The following SEPTIN11 variants were observed in gnomAD, a reference collection of about 807,000 sequenced individuals.
SEPTIN11 encodes the protein septin 11.
Under a neutral mutation model 51.4 loss-of-function variants are expected in SEPTIN11, and 25 were observed. The ratio of observed to expected loss-of-function variants is 0.49; its 90% CI spans 0.35 to 0.68. SEPTIN11 has a LOEUF of 0.68. Among genes scored for constraint, SEPTIN11 ranks in the 30% least tolerant of loss-of-function variants. The pLI is 0.00. For missense variants in SEPTIN11, 381 were observed against 520.8 expected, an observed-to-expected ratio of 0.73 and a Z score of 2.61; for synonymous variants, 174 against 184.1, an observed-to-expected ratio of 0.95 and a Z score of 0.44.
Position 77,011,898 on chromosome 4 carries a change from A to T in SEPTIN11, c.502A>T (p.Thr168Ser). 1 of 1,614,006 alleles carries T rather than the reference A, an allele frequency of 6.2e-7. No individual in the cohort carries two copies. The highest frequency in any genetic ancestry group is 8.5e-7 in the Non-Finnish European group (1 of 1,179,916). ...GHSLKSLDLV[T>S]MKKLDSKVNI... ...TTCACTAAAGTCCCTGGATCTGGTC[A>T]CCATGAAAAAGCTGGACAGTAAGGT... Residue 168 changes from threonine (T) to serine (S), a missense_variant, in exon 4 of 10, where the codon ACC (threonine) becomes TCC (serine). Coordinates refer to ENST00000264893, the MANE Select transcript of SEPTIN11 (RefSeq NM_018243.4).
chr4:76,983,234 C>T (rs1413059933), intron 1 of SEPTIN11, among the ~76,000 whole-genome samples: 1 of 152,112 alleles, frequency 6.6e-6, no homozygotes, highest in Non-Finnish European at 1.5e-5. Context: ...CCAGACTGTT[C>T]CTGAAGAAGG....
At chr4:77,025,544 CAAA>C (rs200938790) in intron 7 of SEPTIN11, among the ~76,000 whole-genome samples, 1 of 131,364 alleles carries the variant, frequency 7.6e-6, no homozygotes, top group African/African-American at 2.8e-5. Flanking sequence ...GAACCTGTCT[CAAA>C]AAAAAAAAAA....
Position 77,014,968 on chromosome 4 carries a change from A to C in SEPTIN11, c.638A>C (p.Gln213Pro), listed in dbSNP as rs1471675211. Residue 213 changes from glutamine to proline, a missense_variant, in exon 5 of 10, where the codon CAG (glutamine) becomes CCG (proline). Physicochemically the swap from Gln to Pro is moderately conservative, Grantham distance 76 (BLOSUM62 -1). This residue lies in a region of SEPTIN11 where 197 missense variants were observed against 313.1 expected (regional missense o/e 0.63). Transcript: ENST00000264893. ...GTCAGCAATGGGGTCCAGATATATC[A>C]GTTTCCCACTGATGAAGAAACGGTG... The part of the protein sequence containing the change: ...ELVSNGVQIY[Q>P]FPTDEETVAE... The C allele has an allele frequency of 1.9e-6, 3 of 1,614,016 alleles. No individual in the cohort carries two copies. Among genetic ancestry groups the C allele is most frequent in the Non-Finnish European group, 2.5e-6 (3 of 1,180,010 alleles).
intron 1 of SEPTIN11, 58 bp downstream of exon 1, chr4:76,949,988 G>T: frequency 7.2e-7 from 1 of 1,390,718 alleles, no homozygotes; most frequent in Non-Finnish European, 9.3e-7. Context: ...CTGCTCTGGG[G>T]CGGGTGCGGT....
chr4:77,011,913 G>T lies in SEPTIN11; in HGVS notation c.517G>T (p.Asp173Tyr). The change falls in exon 4 of 10, where the codon GAC (aspartate) becomes TAC (tyrosine). Residue 173 changes from aspartate (D) to tyrosine (Y), a missense_variant. Physicochemically the swap from Asp to Tyr is radical, Grantham distance 160. This residue lies in a region of SEPTIN11 where 197 missense variants were observed against 313.1 expected (regional missense o/e 0.63). Transcript: ENST00000264893. ...SLDLVTMKKL[D>Y]SKVNIIPIIA... ...GGATCTGGTCACCATGAAAAAGCTG[G>T]ACAGTAAGGTACTTGCTGCCATTCT... 6.2e-7 allele frequency: 1 copy of T among 1,613,602 alleles called. No homozygotes were observed. The highest frequency in any genetic ancestry group is 8.5e-7 in the Non-Finnish European group (1 of 1,179,702).
In SEPTIN11 at chr4:77,034,743, T is replaced by C; in HGVS notation, c.*231T>C. The C allele has an allele frequency of 2.4e-6, 3 of 1,230,900 alleles. No homozygotes were observed. Among genetic ancestry groups the C allele is most frequent in the Non-Finnish European group, 2.0e-6 (2 of 982,120 alleles). 76.2% of individuals were successfully genotyped at this position (1,230,900 alleles called of 1,614,324 possible). A position where few individuals can be genotyped will look rare whatever the true frequency, so the allele number is the denominator to read the frequency against. Reference sequence around the variant, plus strand: ...GCAGCTGGACTCTGTTTCCGGAAAGTAAATGATTTGCTTTTTATGCCTGTT... The same window carrying C: ...GCAGCTGGACTCTGTTTCCGGAAAGCAAATGATTTGCTTTTTATGCCTGTT... On this transcript the variant is annotated 3_prime_UTR_variant, in exon 10 of 10. Coordinates refer to ENST00000264893, the MANE Select transcript of SEPTIN11 (RefSeq NM_018243.4).
chr4:77,023,493 C>G (rs1419091485), intron 7 of SEPTIN11, among the ~76,000 whole-genome samples: 1 of 151,658 alleles, frequency 6.6e-6, no homozygotes, highest in Non-Finnish European at 1.5e-5. Flanking sequence ...TACCTTCCAA[C>G]ATCTCGATAA....
intron 7 of SEPTIN11, among the ~76,000 whole-genome samples, chr4:77,028,190 G>A (rs1578205600): frequency 6.6e-6 from 1 of 152,246 alleles, no homozygotes; most frequent in East Asian, 1.9e-4. Flanking sequence ...AGACCTTGGA[G>A]GCTGAGGGAG....
intron 8 of SEPTIN11, 53 bp from the exon 9 acceptor site, chr4:77,030,730 C>T: frequency 2.6e-6 from 4 of 1,509,518 alleles, no homozygotes; most frequent in South Asian, 2.6e-5. Flanking sequence ...AAGAACTTTA[C>T]ATCAAAAGGA....
intron 1 of SEPTIN11, among the ~76,000 whole-genome samples, chr4:76,953,543 G>A (rs1055682601): frequency 1.7e-4 from 26 of 152,076 alleles, no homozygotes; most frequent in African/African-American, 6.3e-4. Context: ...TGAAAATGTG[G>A]CCCCAGATGG....
intron 1 of SEPTIN11, among the ~76,000 whole-genome samples, chr4:76,989,921 C>G (rs1323641159): frequency 1.3e-5 from 2 of 152,132 alleles, no homozygotes; most frequent in Admixed American, 1.3e-4. Flanking sequence ...TTGCTGACTT[C>G]AAGAATGAAG....
downstream of SEPTIN11, chr4:77,039,694 A>AT (rs1178349829): frequency 6.1e-6 from 6 of 984,646 alleles, no homozygotes; most frequent in African/African-American, 7.0e-5. Context: ...GATGGCTGCA[A>AT]TTTTTTTTCT....
chr4:76,985,703 C>CA (rs1722990557), intron 1 of SEPTIN11, among the ~76,000 whole-genome samples: 1 of 152,142 alleles, frequency 6.6e-6, no homozygotes, highest in Non-Finnish European at 1.5e-5. Context: ...GAAGGTGGGC[C>CA]AGGCACCAGG....
At chr4:77,013,459 C>G (rs1725013849) in intron 4 of SEPTIN11, among the ~76,000 whole-genome samples, 1 of 152,210 alleles carries the variant, frequency 6.6e-6, no homozygotes, top group Admixed American at 6.5e-5. Flanking sequence ...CTCCTCTGAT[C>G]AATTTGGCCA....
At chr4:76,969,061 A>C (rs2109898324) in intron 1 of SEPTIN11, among the ~76,000 whole-genome samples, 1 of 152,322 alleles carries the variant, frequency 6.6e-6, no homozygotes, top group South Asian at 2.1e-4. Flanking sequence ...GGCTTGAAAC[A>C]TAGTCTTCTT....
chr4:77,005,921 A>G (rs1232021658), intron 3 of SEPTIN11, 125 bp downstream of exon 3: 1 of 804,772 alleles, frequency 1.2e-6, no homozygotes, highest in African/African-American at 1.8e-5. Context: ...CTATTGCCTA[A>G]AAGGTGTGAT....
intron 2 of SEPTIN11, among the ~76,000 whole-genome samples, chr4:77,004,893 A>G (rs1386259980): frequency 1.3e-5 from 2 of 152,084 alleles, no homozygotes; most frequent in Non-Finnish European, 2.9e-5. Flanking sequence ...AATCCAGGAG[A>G]TGAAGGTTGC....
At chr4:77,012,876 G>A (rs539516240) in intron 4 of SEPTIN11, among the ~76,000 whole-genome samples, 1 of 152,206 alleles carries the variant, frequency 6.6e-6, no homozygotes. Flanking sequence ...TCTTCTAATG[G>A]CCTGGAAGGA....
chr4:76,988,879 C>A (rs1260060509), intron 1 of SEPTIN11, among the ~76,000 whole-genome samples: 4 of 152,178 alleles, frequency 2.6e-5, no homozygotes, highest in African/African-American at 7.2e-5. Context: ...ACACAGATTT[C>A]CATTTGGTTT....
Sources: gnomAD v4.1 joint callset for allele counts (sites outside exome capture counted in the v4.1 genomes callset) on GRCh38, gnomAD v4.1.1 for gene constraint, gnomAD v4.1.1 regional missense constraint, MANE v1.5 for transcripts, NCBI Gene and HGNC (gene_info 2026-07-23, HGNC 2026-07-21) for gene names.